Variants in QTGAL observed in about 807,000 individuals in gnomAD.
QTGAL encodes the protein queuosine-tRNA galactosyltransferase.
the QTGAL span, chr17:82,981,572 G>A: frequency 1.3e-5 from 2 of 152,230 alleles, no homozygotes. Context: ...CCAGTCAATA[G>A]CTTATGTTAT....
At chr17:82,979,526 T>C in the QTGAL span, 1 of 152,194 alleles carries the variant, frequency 6.6e-6, no homozygotes, top group Non-Finnish European at 1.5e-5. Context: ...GCATGTATAA[T>C]TGCCTAAAAC....
the QTGAL span, among the ~76,000 whole-genome samples, chr17:82,965,273 G>A: frequency 6.6e-6 from 1 of 151,988 alleles, no homozygotes; most frequent in Non-Finnish European, 1.5e-5. Context: ...GCCTGCAGGT[G>A]CACCCCCGGG....
chr17:82,956,771 TGA>T, the QTGAL span: 1 of 1,577,148 alleles, frequency 6.3e-7, no homozygotes, highest in Non-Finnish European at 8.6e-7. This position sits in a 1 kb window ranked among gnomAD's most constrained non-coding sequence, Gnocchi z 5.7. Context: ...GGGTCTTTCC[TGA>T]GAGTGACAGT....
the QTGAL span, among the ~76,000 whole-genome samples, chr17:83,042,817 A>C: frequency 6.6e-6 from 1 of 152,354 alleles, no homozygotes; most frequent in African/African-American, 2.4e-5. Flanking sequence ...TTCACTTCAG[A>C]TCCAAAGGCA....
At chr17:83,005,333 T>C in the QTGAL span, 2 of 860,184 alleles carry the variant, frequency 2.3e-6, no homozygotes, top group Non-Finnish European at 3.6e-6. This position sits in a 1 kb window ranked among gnomAD's most constrained non-coding sequence, Gnocchi z 5.6. Context: ...ACTGAAATGC[T>C]GCAAATCTGG....
chr17:82,977,634 G>A, the QTGAL span, among the ~76,000 whole-genome samples: 1 of 152,072 alleles, frequency 6.6e-6, no homozygotes, highest in Non-Finnish European at 1.5e-5. Flanking sequence ...TCCCACTTCT[G>A]GTCACCGTGA....
the QTGAL span, chr17:83,014,586 C>T: frequency 2.4e-5 from 37 of 1,552,992 alleles, 1 homozygote; most frequent in South Asian, 2.5e-4. Context: ...AATACAGTCC[C>T]GCTTTATTGC....
At chr17:83,049,744 C>T in the QTGAL span, among the ~76,000 whole-genome samples, 1 of 152,188 alleles carries the variant, frequency 6.6e-6, no homozygotes, top group South Asian at 2.1e-4. Flanking sequence ...CTCTCGATTC[C>T]TTTGTCCTAC....
chr17:83,034,322 A>G, the QTGAL span, among the ~76,000 whole-genome samples: 1 of 152,356 alleles, frequency 6.6e-6, no homozygotes, highest in Admixed American at 6.5e-5. Flanking sequence ...ATTTCATCCC[A>G]GTTTATCTTC....
the QTGAL span, chr17:82,957,066 G>A: frequency 6.3e-6 from 9 of 1,418,750 alleles, no homozygotes; most frequent in East Asian, 4.6e-5. Context: ...TGGAGGCCCC[G>A]AGGAGCCAGC....
At chr17:83,014,399 C>T in the QTGAL span, 184 of 1,576,872 alleles carry the variant, frequency 1.2e-4, no homozygotes, top group Non-Finnish European at 1.5e-4. Context: ...ATTTAAAAAA[C>T]CACAGTGGTA....
the QTGAL span, chr17:82,949,430 T>C: frequency 6.6e-6 from 1 of 152,186 alleles, no homozygotes; most frequent in Non-Finnish European, 1.5e-5. Flanking sequence ...GGGTTTCTCT[T>C]TACTCTTCCA....
the QTGAL span, among the ~76,000 whole-genome samples, chr17:83,017,328 A>T: frequency 6.6e-6 from 1 of 152,234 alleles, no homozygotes; most frequent in Admixed American, 6.5e-5. Context: ...CAAAATAGCT[A>T]GAAGACTTTT....
the QTGAL span, chr17:83,006,873 G>A: frequency 1.1e-6 from 1 of 935,014 alleles, no homozygotes; most frequent in Non-Finnish European, 1.3e-6. The surrounding 1 kb of genome is among the most constrained non-coding windows in gnomAD (Gnocchi z 5.8). Context: ...CCGGGTCACA[G>A]AACAGTTACA....
At chr17:82,961,230 G>C in the QTGAL span, 1 of 1,577,572 alleles carries the variant, frequency 6.3e-7, no homozygotes, top group Non-Finnish European at 8.6e-7. Context: ...AGAAACGCGT[G>C]CCTGCCCCGG....
At chr17:83,018,797 C>T in the QTGAL span, among the ~76,000 whole-genome samples, 41 of 152,194 alleles carry the variant, frequency 2.7e-4, no homozygotes, top group Admixed American at 1.6e-3. Flanking sequence ...GGTCCAGTTA[C>T]GGCACCCATT....
the QTGAL span, chr17:82,943,138 A>G: frequency 6.5e-6 from 1 of 152,860 alleles, no homozygotes; most frequent in African/African-American, 2.4e-5. Context: ...TCAGAGTCCA[A>G]TGTGTGCCTC....
chr17:83,036,477 T>C, the QTGAL span, among the ~76,000 whole-genome samples: 1 of 152,206 alleles, frequency 6.6e-6, no homozygotes. Context: ...GCAGTAAGAC[T>C]GTGATGTGCA....
chr17:82,988,090 A>G, the QTGAL span, among the ~76,000 whole-genome samples: 4 of 152,192 alleles, frequency 2.6e-5, no homozygotes, highest in Admixed American at 1.3e-4. Context: ...GTTGGTGTAT[A>G]GGAATGCTTG....
Sources: allele counts gnomAD v4.1 joint callset (sites outside exome capture counted in the v4.1 genomes callset), GRCh38; gene constraint gnomAD v4.1.1; non-coding constraint Gnocchi (gnomAD v3.1); transcripts MANE v1.5; gene names NCBI Gene and HGNC (gene_info 2026-07-23, HGNC 2026-07-21).